Variants in DSP observed in about 807,000 individuals in gnomAD.
DSP encodes the protein 250/210 kDa paraneoplastic pemphigus antigen.
In DSP, 114 loss-of-function variants were observed where a neutral mutation model predicts 290.6. The observed-to-expected ratio is 0.39, with a 90% confidence interval of 0.34 to 0.46. The LOEUF (loss-of-function observed/expected upper bound fraction) is 0.46. DSP is among the 20% of genes least tolerant of loss of function. DSP has a pLI of 0.99. For missense variants in DSP, 3,230 were observed against 3,495.8 expected (o/e 0.92, Z 1.92); for synonymous variants, 1,311 against 1,316.4 (o/e 1.00, Z 0.09).
intron 1 of DSP, among the ~76,000 whole-genome samples, chr6:7,554,123 A>ACACACACACACACACACACACC (rs1364448993): frequency 1.3e-5 from 2 of 150,758 alleles, no homozygotes; most frequent in East Asian, 1.9e-4. Flanking sequence ...ACACACACAC[A>ACACACACACACACACACACACC]CACCCAGTTG....
chr6:7,559,254 G>A lies in DSP; in HGVS notation c.451G>A (p.Ala151Thr). The change falls in exon 4 of 24, where the codon GCC becomes ACC. Residue 151 changes from alanine to threonine, a missense_variant. By Grantham distance (58) the Ala-to-Thr change is moderately conservative. Transcript: ENST00000379802. ...RLLQLQEQMR[A>T]LYKAISVPRV... ...TCTTCAGCTCCAAGAGCAAATGCGA[G>A]CCCTTTATAAAGCCATCAGTGTCCC... is the stretch of plus-strand genomic sequence containing the variant. 1 of 1,614,004 alleles carries A rather than the reference G, an allele frequency of 6.2e-7. No homozygotes were observed. The highest frequency in any genetic ancestry group is 8.5e-7 in the Non-Finnish European group (1 of 1,180,028).
At chr6:7,548,127 C>G (rs979652583) in intron 1 of DSP, among the ~76,000 whole-genome samples, 1 of 151,944 alleles carries the variant, frequency 6.6e-6, no homozygotes, top group South Asian at 2.1e-4. Context: ...ATTAGCTGGG[C>G]GTGGTGGCGG....
chr6:7,565,267 T>TA lies in DSP; in HGVS notation c.778-89dup. 3 of 1,524,416 alleles carry TA rather than the reference T, an allele frequency of 2.0e-6. No individual in the cohort carries two copies. The highest frequency in any genetic ancestry group is 9.0e-7 in the Non-Finnish European group (1 of 1,109,876). The allele number at this position is 1,524,416 out of a possible 1,614,324, so 94.4% of individuals were successfully genotyped here. ...TTTCCTATCCGTGTGATTTTTTTTT[T>TA]AAAGGGACCACAGGTTTAATCTTTA... On this transcript the variant is annotated intron_variant, in intron 6 of 23. Coordinates refer to ENST00000379802, the MANE Select transcript of DSP (RefSeq NM_004415.4). This position sits in a 1 kb window ranked among gnomAD's most constrained non-coding sequence, Gnocchi z 4.2.
intron 1 of DSP, among the ~76,000 whole-genome samples, chr6:7,552,564 GAA>G (rs377022218): frequency 5.9e-5 from 6 of 101,594 alleles, no homozygotes; most frequent in Non-Finnish European, 7.9e-5. Context: ...CTCCATCTCG[GAA>G]AAAAAAAAAA....
At chr6:7,567,689 T>A in intron 9 of DSP, 92 bp from the exon 10 acceptor site, 1 of 1,585,672 alleles carries the variant, frequency 6.3e-7, no homozygotes, top group Non-Finnish European at 8.6e-7. Context: ...GTCAAAGAGA[T>A]GTTTAGGGAT....
rs1027534253 is a variant in DSP at position 7,583,556 on chromosome 6, T to C, written c.6294T>C (p.Asp2098=). The C allele has an allele frequency of 2.5e-6, 4 of 1,614,106 alleles. No homozygotes were observed. Among genetic ancestry groups the C allele is most frequent in the Middle Eastern group, 1.6e-4 (1 of 6,062 alleles). The change falls in exon 24 of 24, where the codon GAT becomes GAC. Residue 2098 remains aspartate, a synonymous_variant. Transcript: ENST00000379802. This position sits in a 1 kb window ranked among gnomAD's most constrained non-coding sequence, Gnocchi z 4.0. The part of the protein sequence containing the change: ...AAEKAITGFD[D]PFSGKTVSVS... ...AAAAAGCTATCACTGGTTTTGATGA[T>C]CCATTTTCAGGCAAGACAGTATCTG...
chr6:7,563,429 C>T (rs946196478), intron 5 of DSP, among the ~76,000 whole-genome samples: 1 of 151,198 alleles, frequency 6.6e-6, no homozygotes, highest in African/African-American at 2.4e-5. Context: ...CTTCATTTCT[C>T]TAAGACCTAG....
rs749554720 is a variant in DSP, at chr6:7,583,307, A to G, written c.6045A>G (p.Ala2015=). 1.7e-5 allele frequency: 27 copies of G among 1,614,132 alleles called. No individual in the cohort carries two copies. The highest frequency in any genetic ancestry group is 2.2e-5 in the Non-Finnish European group (26 of 1,180,050). ...ASEIQPFLRG[A]GSIAGASASP... is the part of the protein sequence containing the mutation. ...AAATCCAGCCATTCCTTCGGGGTGC[A>G]GGATCTATCGCTGGAGCATCTGCTT... Residue 2015 remains alanine, a synonymous_variant, in exon 24 of 24, where the codon GCA becomes GCG. Coordinates refer to ENST00000379802, the MANE Select transcript of DSP (RefSeq NM_004415.4). The surrounding 1 kb of genome is among the most constrained non-coding windows in gnomAD (Gnocchi z 4.0).
intron 1 of DSP, among the ~76,000 whole-genome samples, chr6:7,551,078 A>C (rs1285577151): frequency 6.6e-6 from 1 of 152,200 alleles, no homozygotes; most frequent in Non-Finnish European, 1.5e-5. Flanking sequence ...ATTTAATTCA[A>C]TTAGCATGAA....
At chr6:7,572,664 A>G (rs916360311) in intron 15 of DSP, among the ~76,000 whole-genome samples, 1 of 152,212 alleles carries the variant, frequency 6.6e-6, no homozygotes, top group Admixed American at 6.5e-5. Flanking sequence ...AAAAATGATC[A>G]TAAGATTCAC....
chr6:7,557,874 G>T (rs1050568138), intron 2 of DSP, among the ~76,000 whole-genome samples: 16 of 152,180 alleles, frequency 1.1e-4, no homozygotes, highest in Admixed American at 2.6e-4. Context: ...ACTGAAGCAA[G>T]GGGAAGGTTA....
Position 7,571,603 on chromosome 6 carries a change from T to C in DSP, c.1903+19T>C. On this transcript the variant is annotated intron_variant, in intron 14 of 23. Coordinates refer to ENST00000379802, the MANE Select transcript of DSP (RefSeq NM_004415.4). ...CAGACAGGTCGGCTTGGGACATCTT[T>C]CTCTTTGTATCAACCATCCATACCA... The C allele has an allele frequency of 6.2e-7, 1 of 1,613,812 alleles. No individual in the cohort carries two copies. Among genetic ancestry groups the C allele is most frequent in the Non-Finnish European group, 8.5e-7 (1 of 1,179,772 alleles).
rs750113099 is a variant in DSP at position 7,581,104 on chromosome 6, C to T, written c.4914C>T (p.Asp1638=). The T allele has an allele frequency of 1.8e-5, 29 of 1,613,936 alleles. No homozygotes were observed. Among genetic ancestry groups the T allele is most frequent in the South Asian group, 1.3e-4 (12 of 91,084 alleles). Residue 1638 remains aspartate, a synonymous_variant, in exon 23 of 24, where the codon GAC becomes GAT. Coordinates refer to ENST00000379802, the MANE Select transcript of DSP (RefSeq NM_004415.4). ...AGGATGACCTCCGGCAGCAGAGGGA[C>T]GTGCTGGATGGCCACCTGAGGGAAA... The part of the protein sequence containing the change: ...RSEDDLRQQR[D]VLDGHLREKQ...
chr6:7,586,246 T>C lies in DSP; in HGVS notation c.*368T>C. The C allele has an allele frequency of 5.3e-6, 1 of 187,352 alleles. No individual in the cohort carries two copies. The allele number at this position is 187,352 out of a possible 1,614,324, so 11.6% of individuals were successfully genotyped here. A position where few individuals can be genotyped will look rare whatever the true frequency, so the allele number is the denominator to read the frequency against. On this transcript the variant is annotated 3_prime_UTR_variant, in exon 24 of 24. Coordinates refer to ENST00000379802, the MANE Select transcript of DSP (RefSeq NM_004415.4). ...TGGAGATAAAAATTAAATGGATCAC[T>C]GATATTTTAGTCATTCTGCTTCTCA... is the stretch of plus-strand genomic sequence containing the variant.
Position 7,582,911 on chromosome 6 carries a change from G to A in DSP, c.5649G>A (p.Ser1883=), listed in dbSNP as rs760974941. 21 of 1,613,898 alleles carry A rather than the reference G, an allele frequency of 1.3e-5. No individual in the cohort carries two copies. The highest frequency in any genetic ancestry group is 4.5e-5 in the East Asian group (2 of 44,884). The part of the protein sequence containing the change: ...RKEEAIRKIE[S]EREKSEREKN... ...AGGAGGCTATTAGGAAGATAGAATC[G>A]GAAAGAGAAAAGAGTGAGAGAGAGA... Residue 1883 remains serine (S), a synonymous_variant, in exon 24 of 24, where the codon TCG becomes TCA. Coordinates refer to ENST00000379802, the MANE Select transcript of DSP (RefSeq NM_004415.4). This position sits in a 1 kb window ranked among gnomAD's most constrained non-coding sequence, Gnocchi z 4.2.
intron 1 of DSP, among the ~76,000 whole-genome samples, chr6:7,552,122 T>C (rs1448230235): frequency 6.6e-6 from 1 of 152,220 alleles, no homozygotes; most frequent in African/African-American, 2.4e-5. Context: ...AGATTCTTTA[T>C]TTCATTGTTC....
intron 10 of DSP, 34 bp downstream of exon 10, chr6:7,567,940 G>T: frequency 6.2e-7 from 1 of 1,610,714 alleles, no homozygotes. Context: ...CAGCAGCTGT[G>T]CCTGATCAGG....
At chr6:7,548,664 C>T (rs1431478924) in intron 1 of DSP, among the ~76,000 whole-genome samples, 3 of 152,148 alleles carry the variant, frequency 2.0e-5, no homozygotes, top group Non-Finnish European at 2.9e-5. Context: ...GTTTCTGTAG[C>T]TGCTGGGCGA....
intron 1 of DSP, among the ~76,000 whole-genome samples, chr6:7,550,219 T>G (rs1758296290): frequency 6.8e-6 from 1 of 146,164 alleles, no homozygotes; most frequent in African/African-American, 2.5e-5. Context: ...AGCTGTTTTG[T>G]TTTTGTTTTT....
Sources: allele counts gnomAD v4.1 joint callset (sites outside exome capture counted in the v4.1 genomes callset), GRCh38; gene constraint gnomAD v4.1.1; non-coding constraint Gnocchi (gnomAD v3.1); transcripts MANE v1.5; gene names NCBI Gene and HGNC (gene_info 2026-07-23, HGNC 2026-07-21).